Variants in CDH2 observed in about 807,000 individuals in gnomAD.
CDH2 encodes the protein cadherin-2.
A neutral mutation model predicts 92.0 loss-of-function variants in CDH2; 17 were observed. The ratio of observed to expected loss-of-function variants is 0.18; its 90% CI spans 0.13 to 0.28. CDH2 has a LOEUF of 0.28. Ranked by LOEUF, CDH2 falls within the 10% of genes least tolerant of loss-of-function variation. CDH2 has a pLI of 1.00. For missense variants in CDH2, 862 were observed against 1,133.1 expected (o/e 0.76, Z 3.44); for synonymous variants, 419 against 415.9 (o/e 1.01, Z -0.09).
At chr18:27,965,562 A>G (rs573790057) in intron 14 of CDH2, among the ~76,000 whole-genome samples, 1 of 152,356 alleles carries the variant, frequency 6.6e-6, no homozygotes, top group South Asian at 2.1e-4. Context: ...AATCATCCAT[A>G]CAAAACTTGA....
At position 27,985,697 on chromosome 18, in the gene CDH2, G is replaced by C. The variant is rs2012208557; in HGVS notation, c.1806C>G (p.Ala602=). The C allele has an allele frequency of 6.2e-7, 1 of 1,613,928 alleles. No individual in the cohort carries two copies. Among genetic ancestry groups the C allele is most frequent in the Non-Finnish European group, 8.5e-7 (1 of 1,179,848 alleles). ...CTGCCTCTTGAGGTAACACTTGAGG[G>C]GCATTGTCATTAATATCAAGTAAAT... ...QIYLLDINDN[A]PQVLPQEAET... The change falls in exon 12 of 16, where the codon GCC becomes GCG. Residue 602 remains alanine (A), a synonymous_variant. Coordinates refer to ENST00000269141, the MANE Select transcript of CDH2 (RefSeq NM_001792.5).
chr18:28,145,154 T>C (rs1226300466), intron 2 of CDH2, among the ~76,000 whole-genome samples: 1 of 152,082 alleles, frequency 6.6e-6, no homozygotes, highest in Non-Finnish European at 1.5e-5. Context: ...GTGTGTCAGA[T>C]GTATCCTAAG....
chr18:28,113,143 GTA>G (rs1391195132), intron 2 of CDH2, among the ~76,000 whole-genome samples: 3 of 152,140 alleles, frequency 2.0e-5, no homozygotes, highest in Non-Finnish European at 4.4e-5. Flanking sequence ...GACAGTGGAA[GTA>G]TGAGGTAAGC....
In CDH2 at chr18:27,992,713, C is replaced by T. The variant is rs766881004; in HGVS notation, c.1286G>A (p.Gly429Glu). 1.9e-5 allele frequency: 31 copies of T among 1,614,058 alleles called. No homozygotes were observed. Among genetic ancestry groups the T allele is most frequent in the South Asian group, 1.6e-4 (15 of 91,070 alleles). ...VYRISGGDPT[G>E]RFAIQTDPNS... ...TGGGTCGGTCTGGATGGCGAACCGT[C>T]CAGTAGGATCTCCGCCACTGATTCT... Residue 429 changes from glycine to glutamate, a missense_variant, in exon 9 of 16, where the codon GGA becomes GAA. Gly to Glu is a moderately conservative substitution (Grantham distance 98). Coordinates refer to ENST00000269141, the MANE Select transcript of CDH2 (RefSeq NM_001792.5).
chr18:28,054,576 G>C (rs998105782), intron 2 of CDH2, among the ~76,000 whole-genome samples: 2 of 152,172 alleles, frequency 1.3e-5, no homozygotes, highest in African/African-American at 4.8e-5. Flanking sequence ...TGCCCAAGAT[G>C]TCTGCCTTTA....
At chr18:28,132,869 G>A (rs772229029) in intron 2 of CDH2, among the ~76,000 whole-genome samples, 65 of 151,994 alleles carry the variant, frequency 4.3e-4, no homozygotes, top group Non-Finnish European at 6.9e-4. Flanking sequence ...TAGATGACTC[G>A]CACCCTATCA....
chr18:28,089,637 A>C (rs564730393), intron 2 of CDH2, among the ~76,000 whole-genome samples: 1 of 152,312 alleles, frequency 6.6e-6, no homozygotes, highest in Admixed American at 6.5e-5. Context: ...AAGTCCAATA[A>C]TCTTTTCTAA....
intron 2 of CDH2, among the ~76,000 whole-genome samples, chr18:28,129,104 C>T (rs1444797926): frequency 6.6e-6 from 1 of 152,138 alleles, no homozygotes; most frequent in Non-Finnish European, 1.5e-5. Context: ...AATTTTTACC[C>T]CTGATATATG....
intron 2 of CDH2, among the ~76,000 whole-genome samples, chr18:28,110,866 A>G (rs2015399492): frequency 6.6e-6 from 1 of 151,992 alleles, no homozygotes; most frequent in Non-Finnish European, 1.5e-5. Flanking sequence ...AACCCAAACC[A>G]CTATTCTCTA....
intron 2 of CDH2, among the ~76,000 whole-genome samples, chr18:28,023,986 A>G (rs1174992558): frequency 6.6e-6 from 1 of 152,170 alleles, no homozygotes; most frequent in Non-Finnish European, 1.5e-5. Context: ...ACTTTGGCTT[A>G]GTATTATATG....
chr18:28,061,524 A>C (rs1408258381), intron 2 of CDH2, among the ~76,000 whole-genome samples: 1 of 152,148 alleles, frequency 6.6e-6, no homozygotes, highest in Non-Finnish European at 1.5e-5. Flanking sequence ...ATGTGCCTAT[A>C]ACCTCAGCTA....
At chr18:28,080,012 G>C (rs2014798570) in intron 2 of CDH2, among the ~76,000 whole-genome samples, 1 of 152,172 alleles carries the variant, frequency 6.6e-6, no homozygotes, top group African/African-American at 2.4e-5. Context: ...ACTAGAGTAT[G>C]ATCCAGAGAC....
intron 2 of CDH2, among the ~76,000 whole-genome samples, chr18:28,060,256 G>A (rs768873805): frequency 6.6e-6 from 1 of 151,928 alleles, no homozygotes; most frequent in Non-Finnish European, 1.5e-5. Flanking sequence ...GCACAATCTC[G>A]GTTCACTGCA....
intron 2 of CDH2, among the ~76,000 whole-genome samples, chr18:28,078,244 C>A (rs898122406): frequency 6.6e-6 from 1 of 152,084 alleles, no homozygotes; most frequent in Admixed American, 6.6e-5. Flanking sequence ...GATCCTCCAG[C>A]GCTGAGAGAA....
intron 15 of CDH2, among the ~76,000 whole-genome samples, chr18:27,953,762 G>A (rs920810041): frequency 6.6e-6 from 1 of 152,056 alleles, no homozygotes; most frequent in Admixed American, 6.6e-5. Context: ...ATCTACAACT[G>A]TAATCATAAT....
chr18:28,120,351 C>T (rs2015566698), intron 2 of CDH2, among the ~76,000 whole-genome samples: 1 of 152,018 alleles, frequency 6.6e-6, no homozygotes, highest in Non-Finnish European at 1.5e-5. Context: ...GATACTTCCT[C>T]AACTTCCTCT....
intron 1 of CDH2, among the ~76,000 whole-genome samples, chr18:28,173,995 T>C (rs759319052): frequency 4.6e-5 from 7 of 152,056 alleles, no homozygotes; most frequent in African/African-American, 1.2e-4. Context: ...CTAAAGAAAA[T>C]CTTGATGTTG....
intron 1 of CDH2, among the ~76,000 whole-genome samples, chr18:28,164,665 GACACAC>G (rs143584290): frequency 6.6e-6 from 1 of 150,882 alleles, no homozygotes; most frequent in Non-Finnish European, 1.5e-5. Flanking sequence ...CACACACACA[GACACAC>G]ACACACACAT....
chr18:27,988,123 C>T (rs1476168199), intron 11 of CDH2, among the ~76,000 whole-genome samples: 1 of 152,080 alleles, frequency 6.6e-6, no homozygotes, highest in Non-Finnish European at 1.5e-5. Context: ...AGTTTCCTAG[C>T]CCATGGCAGA....
Sources: allele counts gnomAD v4.1 joint callset (sites outside exome capture counted in the v4.1 genomes callset), GRCh38; gene constraint gnomAD v4.1.1; transcripts MANE v1.5; gene names NCBI Gene and HGNC (gene_info 2026-07-23, HGNC 2026-07-21).